Variants in JMJD1C observed in about 807,000 individuals in gnomAD.
JMJD1C encodes the protein jumonji domain containing 1C, also known as jumonji domain-containing protein 1C.
Under a neutral mutation model 245.3 loss-of-function variants are expected in JMJD1C, and 31 were observed. That is an observed-to-expected ratio of 0.13 (90% CI 0.09 to 0.17). The LOEUF is 0.17. Ranked by LOEUF, JMJD1C falls within the 10% of genes least tolerant of loss-of-function variation. The pLI is 1.00. For missense variants in JMJD1C, 2,691 were observed against 3,000.2 expected, an observed-to-expected ratio of 0.90 and a Z score of 2.41; for synonymous variants, 1,057 against 1,017.4, an observed-to-expected ratio of 1.04 and a Z score of -0.74.
intron 1 of JMJD1C, among the ~76,000 whole-genome samples, chr10:63,454,897 C>T (rs1378815100): frequency 6.6e-6 from 1 of 152,174 alleles, no homozygotes; most frequent in East Asian, 1.9e-4. Flanking sequence ...AATCTAGAAG[C>T]TTCATTATAT....
At chr10:63,261,536 G>C (rs1044016325) in intron 3 of JMJD1C, among the ~76,000 whole-genome samples, 2 of 151,964 alleles carry the variant, frequency 1.3e-5, no homozygotes, top group Non-Finnish European at 2.9e-5. Context: ...AGCTGAGATT[G>C]TGCCACAGCA....
intron 1 of JMJD1C, among the ~76,000 whole-genome samples, chr10:63,423,251 C>A (rs951151079): frequency 1.3e-5 from 2 of 152,192 alleles, no homozygotes; most frequent in East Asian, 3.8e-4. Flanking sequence ...AGGCGTGAGG[C>A]ACCGCACCTG....
In JMJD1C at chr10:63,184,702, T is replaced by C. The variant is rs1441270091; in HGVS notation, c.6867A>G (p.Glu2289=). The C allele has an allele frequency of 6.2e-7, 1 of 1,612,634 alleles. No individual in the cohort carries two copies. The highest frequency in any genetic ancestry group is 1.1e-5 in the South Asian group (1 of 90,634). Residue 2289 remains glutamate, a synonymous_variant, in exon 21 of 26, where the codon GAA becomes GAG. Coordinates refer to ENST00000399262, the MANE Select transcript of JMJD1C (RefSeq NM_032776.3). The stretch of plus-strand genomic sequence containing the variant: ...TGAATTTTCCTTCTGGATTACAATA[T>C]TCTGGCAATGGCAGACTTTTTAAAA... ...EDLLKSLPLP[E]YCNPEGKFNL...
At chr10:63,286,842 T>C (rs550188673) in intron 2 of JMJD1C, among the ~76,000 whole-genome samples, 3 of 152,198 alleles carry the variant, frequency 2.0e-5, no homozygotes, top group African/African-American at 4.8e-5. Flanking sequence ...TAAGTAAAAA[T>C]AGTAAACAGA....
intron 3 of JMJD1C, among the ~76,000 whole-genome samples, chr10:63,231,553 G>C (rs1458004233): frequency 2.0e-5 from 3 of 152,140 alleles, no homozygotes; most frequent in Non-Finnish European, 4.4e-5. Context: ...CAGCACTTTG[G>C]GAGGCCACGG....
intron 2 of JMJD1C, among the ~76,000 whole-genome samples, chr10:63,270,858 T>A (rs1856210649): frequency 6.6e-6 from 1 of 152,164 alleles, no homozygotes; most frequent in Non-Finnish European, 1.5e-5. Context: ...AGAGATGGAA[T>A]GGAATATAAA....
At chr10:63,352,660 T>A (rs11813812) in intron 2 of JMJD1C, among the ~76,000 whole-genome samples, 2,906 of 143,252 alleles carry the variant, frequency 0.02, 104 homozygotes, top group African/African-American at 0.07. Context: ...AAAAAAAAAA[T>A]TTAAACTGGA....
chr10:63,521,161 A>G (rs1955210654), intron 1 of JMJD1C, among the ~76,000 whole-genome samples: 1 of 152,124 alleles, frequency 6.6e-6, no homozygotes, highest in African/African-American at 2.4e-5. Flanking sequence ...GGTTGGTTAG[A>G]GCGCAGGGGC....
chr10:63,290,977 C>T (rs1214014523), intron 2 of JMJD1C, among the ~76,000 whole-genome samples: 2 of 152,072 alleles, frequency 1.3e-5, no homozygotes, highest in South Asian at 2.1e-4. Context: ...TAAGAAAAAT[C>T]TGATTGCAAT....
At chr10:63,254,465 TAGG>T (rs937885175) in intron 3 of JMJD1C, among the ~76,000 whole-genome samples, 1 of 152,164 alleles carries the variant, frequency 6.6e-6, no homozygotes, top group Non-Finnish European at 1.5e-5. Flanking sequence ...GATATGTAAA[TAGG>T]AGACACTTCA....
chr10:63,496,478 CTCT>C (rs1287862511), intron 1 of JMJD1C, among the ~76,000 whole-genome samples: 2 of 152,216 alleles, frequency 1.3e-5, no homozygotes, highest in Non-Finnish European at 2.9e-5. Context: ...GTTCCCCACT[CTCT>C]TCTTCTTCCA....
At chr10:63,380,510 T>C (rs1241712819) in intron 1 of JMJD1C, 28 bp from the exon 2 acceptor site, 9 of 1,577,136 alleles carry the variant, frequency 5.7e-6, no homozygotes, top group Admixed American at 5.4e-5. Flanking sequence ...CAAAATTCAA[T>C]TAGCAAAATA....
chr10:63,241,092 G>C (rs1035290894), intron 3 of JMJD1C, among the ~76,000 whole-genome samples: 1 of 152,172 alleles, frequency 6.6e-6, no homozygotes, highest in African/African-American at 2.4e-5. Flanking sequence ...CTCGACTATA[G>C]AGCTAGACTG....
chr10:63,518,563 A>G (rs1484249896), intron 1 of JMJD1C, among the ~76,000 whole-genome samples: 3 of 152,218 alleles, frequency 2.0e-5, no homozygotes, highest in Non-Finnish European at 4.4e-5. Context: ...GTTGTGAACA[A>G]AACAATCTTC....
Position 63,313,099 on chromosome 10 carries a change from CCCA to C in JMJD1C, c.334-48338_334-48336del, listed in dbSNP as rs1184278769. Among the ~76,000 whole-genome samples the C allele has an allele frequency of 3.3e-5, 5 of 152,102 alleles. No individual in the cohort carries two copies. The South Asian group carries it at 8.3e-4, about 25-fold the overall frequency. Reference sequence around the variant, plus strand: ...GTAGTCTTTTATCACTCAATCCCCACCCACCATTTCCCCCGCAAGGCCCCAAAG... The same window carrying C: ...GTAGTCTTTTATCACTCAATCCCCACCCATTTCCCCCGCAAGGCCCCAAAG... On this transcript the variant is annotated intron_variant, in intron 2 of 25. Transcript: ENST00000399262.
rs1193898689 is a variant in JMJD1C, at chr10:63,206,862, T to C, written c.4807A>G (p.Ile1603Val). 6.2e-6 allele frequency: 10 copies of C among 1,606,718 alleles called. No homozygotes were observed. Among genetic ancestry groups the C allele is most frequent in the Admixed American group, 3.4e-5 (2 of 59,006 alleles). Residue 1603 changes from isoleucine (I) to valine (V), a missense_variant, in exon 10 of 26, where the codon ATA becomes GTA. By Grantham distance (29) the Ile-to-Val change is conservative (BLOSUM62 3). This residue lies in a region of JMJD1C where 144 missense variants were observed against 143.3 expected (regional missense o/e 1.00). Transcript: ENST00000399262. The part of the protein sequence containing the change: ...DIQNSVDSKI[I>V]VDKYVKDDKV... ...TCATCTTTTACATATTTATCAACTATGATCTTACTATCTACACTATTTTGT... is the reference window on the plus strand; with the variant it reads ...TCATCTTTTACATATTTATCAACTACGATCTTACTATCTACACTATTTTGT...
chr10:63,507,569 C>T (rs993801845), intron 1 of JMJD1C, among the ~76,000 whole-genome samples: 4 of 134,474 alleles, frequency 3.0e-5, no homozygotes, highest in Non-Finnish European at 6.2e-5. Context: ...CACTTGAACC[C>T]GGAAGGTGGA....
intron 3 of JMJD1C, among the ~76,000 whole-genome samples, chr10:63,224,889 C>T (rs1849056921): frequency 6.6e-6 from 1 of 151,814 alleles, no homozygotes; most frequent in South Asian, 2.1e-4. Context: ...TGGTGAAACC[C>T]CATCTCTACT....
intron 1 of JMJD1C, chr10:63,465,093 G>A: frequency 4.5e-6 from 1 of 223,966 alleles, no homozygotes; most frequent in Non-Finnish European, 8.7e-6. Context: ...CAAGAAAAGA[G>A]ATACCAGGGA....
Sources: gnomAD v4.1 joint callset for allele counts (sites outside exome capture counted in the v4.1 genomes callset) on GRCh38, gnomAD v4.1.1 for gene constraint, gnomAD v4.1.1 regional missense constraint, MANE v1.5 for transcripts, NCBI Gene and HGNC (gene_info 2026-07-23, HGNC 2026-07-21) for gene names.